AUTS2: variants seen among roughly 807,000 people sequenced by gnomAD.
The protein encoded by AUTS2 is activator of transcription and developmental regulator AUTS2.
Under a neutral mutation model 112.4 loss-of-function variants are expected in AUTS2, and 17 were observed. The observed-to-expected ratio is 0.15, with a 90% CI of 0.10 to 0.23. The LOEUF (loss-of-function observed/expected upper bound fraction) is 0.23, where lower values mean the gene tolerates loss of function less well. Ranked by LOEUF, AUTS2 falls within the 10% of genes least tolerant of loss-of-function variation. The pLI is 1.00. For synonymous variants in AUTS2, 751 were observed against 702.7 expected (o/e 1.07, Z -1.09); for missense variants, 1,510 against 1,701.6 (o/e 0.89, Z 1.98).
chr7:70,242,429 T>G (rs969317990), intron 4 of AUTS2, among the ~76,000 whole-genome samples: 7 of 152,216 alleles, frequency 4.6e-5, no homozygotes, highest in Admixed American at 2.6e-4. Context: ...CCCTGCTCTT[T>G]CCTCCTGCCT....
chr7:70,423,612 G>A (rs776173268), intron 4 of AUTS2, among the ~76,000 whole-genome samples: 3 of 152,150 alleles, frequency 2.0e-5, no homozygotes, highest in Non-Finnish European at 2.9e-5. Context: ...TGAAGAATAA[G>A]TCCAAGCTAC....
At chr7:70,596,287 A>C (rs2129529220) in intron 5 of AUTS2, 1 of 151,994 alleles carries the variant, frequency 6.6e-6, no homozygotes, top group South Asian at 2.1e-4. Context: ...GGCTGCCAGG[A>C]CTCGTTCCAG....
At chr7:70,372,493 T>C (rs546506296) in intron 4 of AUTS2, among the ~76,000 whole-genome samples, 3 of 152,162 alleles carry the variant, frequency 2.0e-5, no homozygotes, top group Non-Finnish European at 4.4e-5. Flanking sequence ...GCCTGGCATA[T>C]AGATCATTGA....
intron 1 of AUTS2, among the ~76,000 whole-genome samples, chr7:69,837,697 A>C (rs547673237): frequency 6.6e-6 from 1 of 152,198 alleles, no homozygotes; most frequent in Non-Finnish European, 1.5e-5. Flanking sequence ...AAGAGGCGTC[A>C]TGTTTGTTAA....
intron 4 of AUTS2, among the ~76,000 whole-genome samples, chr7:70,272,352 TAA>T (rs538726438): frequency 1.8e-4 from 27 of 152,320 alleles, no homozygotes; most frequent in African/African-American, 6.3e-4. Flanking sequence ...CTGTAATTTT[TAA>T]ACCTATTCAT....
At chr7:70,512,837 GA>G (rs5884784) in intron 5 of AUTS2, among the ~76,000 whole-genome samples, 301 of 144,736 alleles carry the variant, frequency 2.1e-3, no homozygotes, top group African/African-American at 5.4e-3. Context: ...CTCACTTAAA[GA>G]AAAAAAAAAA....
At chr7:70,113,930 C>T (rs978919492) in intron 2 of AUTS2, among the ~76,000 whole-genome samples, 2 of 152,216 alleles carry the variant, frequency 1.3e-5, no homozygotes, top group East Asian at 3.9e-4. Flanking sequence ...AACTGTGGAT[C>T]GTTATTTTCC....
intron 5 of AUTS2, among the ~76,000 whole-genome samples, chr7:70,688,781 G>A (rs1452626252): frequency 3.9e-5 from 6 of 152,182 alleles, no homozygotes; most frequent in Admixed American, 3.9e-4. Context: ...CTCTGATTGT[G>A]CCACTGCACT....
chr7:70,710,859 TA>T (rs771343920), intron 6 of AUTS2, among the ~76,000 whole-genome samples: 22 of 152,248 alleles, frequency 1.4e-4, no homozygotes, highest in Non-Finnish European at 2.6e-4. Flanking sequence ...TATTAGATGA[TA>T]AACTACACTT....
chr7:70,456,115 A>G (rs1187322734), intron 5 of AUTS2, among the ~76,000 whole-genome samples: 2 of 152,156 alleles, frequency 1.3e-5, no homozygotes, highest in African/African-American at 4.8e-5. Flanking sequence ...GGTGCTTTAA[A>G]AACCCTCAAC....
chr7:69,700,946 A>G (rs980627527), intron 1 of AUTS2, among the ~76,000 whole-genome samples: 6 of 152,206 alleles, frequency 3.9e-5, no homozygotes, highest in Non-Finnish European at 8.8e-5. Flanking sequence ...ATGCTTTCCC[A>G]GATAGAAACA....
chr7:70,173,283 C>T (rs1485235611), intron 4 of AUTS2, among the ~76,000 whole-genome samples: 3 of 151,736 alleles, frequency 2.0e-5, no homozygotes, highest in Non-Finnish European at 4.4e-5. Flanking sequence ...ATGGCGTGAA[C>T]CCGGGAGGCG....
At chr7:70,651,187 C>T (rs535583562) in intron 5 of AUTS2, among the ~76,000 whole-genome samples, 4 of 152,176 alleles carry the variant, frequency 2.6e-5, no homozygotes, top group Non-Finnish European at 5.9e-5. Flanking sequence ...TCATTATTTC[C>T]GCTATATAGA....
intron 5 of AUTS2, among the ~76,000 whole-genome samples, chr7:70,660,771 G>A (rs1039686139): frequency 3.9e-5 from 6 of 152,172 alleles, no homozygotes; most frequent in Non-Finnish European, 5.9e-5. Flanking sequence ...TCATGCTATC[G>A]TTTGTTCATG....
chr7:70,048,223 G>C lies in AUTS2; in HGVS notation c.523-69909G>C, dbSNP rs978715726. 2.6e-5 allele frequency among the ~76,000 whole-genome samples: 4 copies of C among 151,960 alleles called. 1 individual carries two copies. In the South Asian group the frequency reaches 8.3e-4, roughly 32 times the overall value. On this transcript the variant is annotated intron_variant, in intron 2 of 18. Coordinates refer to ENST00000342771, the MANE Select transcript of AUTS2 (RefSeq NM_015570.4). ...CTCTCTCATGCAACATGCATTCCTC[G>C]TGTCTCCAGCTGTTTGCTGTTCTCC...
intron 3 of AUTS2, among the ~76,000 whole-genome samples, chr7:70,120,655 G>GC (rs1250162492): frequency 1.5e-4 from 23 of 152,058 alleles, no homozygotes; most frequent in Non-Finnish European, 4.4e-5. Context: ...GACTAGAGCT[G>GC]CCATTGGATC....
At position 70,301,477 on chromosome 7, in the gene AUTS2, A is replaced by G. The variant is rs1162754383; in HGVS notation, c.661-134275A>G. ...TTTTTGGCTTAAAATAAAATAGGGAAAAAAAGCTCTCTTAAAATAGTATCC... is the reference window on the plus strand; with the variant it reads ...TTTTTGGCTTAAAATAAAATAGGGAGAAAAAGCTCTCTTAAAATAGTATCC... On this transcript the variant is annotated intron_variant, in intron 4 of 18. Coordinates refer to ENST00000342771, the MANE Select transcript of AUTS2 (RefSeq NM_015570.4). 3.3e-5 allele frequency among the ~76,000 whole-genome samples: 5 copies of G among 152,256 alleles called. No homozygotes were observed. The East Asian group carries it at 9.7e-4, about 29-fold the overall frequency.
At chr7:69,993,280 T>C (rs1798813201) in intron 2 of AUTS2, among the ~76,000 whole-genome samples, 1 of 152,196 alleles carries the variant, frequency 6.6e-6, no homozygotes, top group African/African-American at 2.4e-5. Flanking sequence ...ACTGGATATA[T>C]GTATAGTCAT....
intron 2 of AUTS2, among the ~76,000 whole-genome samples, chr7:70,028,183 A>G (rs1800612080): frequency 6.7e-6 from 1 of 149,852 alleles, no homozygotes; most frequent in East Asian, 2.0e-4. Context: ...TTTCTTTTTC[A>G]CCTGGCTTCC....
Sources: allele counts gnomAD v4.1 joint callset (sites outside exome capture counted in the v4.1 genomes callset), GRCh38; gene constraint gnomAD v4.1.1; transcripts MANE v1.5; gene names NCBI Gene and HGNC (gene_info 2026-07-23, HGNC 2026-07-21).